The following GLDC variants were observed in gnomAD, a reference collection of about 807,000 sequenced individuals.
GLDC encodes the protein glycine dehydrogenase (decarboxylating), mitochondrial.
GLDC carries 104 observed loss-of-function variants against 121.3 expected under a neutral mutation model. The ratio of observed to expected loss-of-function variants is 0.86; its 90% CI spans 0.73 to 1.01. The LOEUF is 1.01. Among genes scored for constraint, GLDC ranks in the 50% least tolerant of loss-of-function variants. GLDC has a pLI of 0.00. For synonymous variants in GLDC, 546 were observed against 480.6 expected (o/e 1.14, Z -1.78); for missense variants, 1,429 against 1,306.6 (o/e 1.09, Z -1.44).
intron 15 of GLDC, chr9:6,568,881 C>T (rs1006095840): frequency 7.2e-5 from 11 of 152,192 alleles, no homozygotes; most frequent in African/African-American, 2.4e-4. Context: ...AAACAAGACC[C>T]TCCAGTGTAT....
intron 18 of GLDC, 88 bp from the exon 19 acceptor site, chr9:6,554,869 C>T: frequency 1.1e-6 from 1 of 929,246 alleles, no homozygotes; most frequent in Non-Finnish European, 1.7e-6. Context: ...GTGCTGCCTT[C>T]TCCCCTCAGA....
At chr9:6,559,466 G>A (rs1343453363) in intron 16 of GLDC, among the ~76,000 whole-genome samples, 1 of 147,032 alleles carries the variant, frequency 6.8e-6, no homozygotes, top group African/African-American at 2.5e-5. Flanking sequence ...GGTGAGCCGA[G>A]ATTGCGCTAT....
intron 9 of GLDC, among the ~76,000 whole-genome samples, chr9:6,594,594 C>G (rs1818451061): frequency 6.6e-6 from 1 of 151,964 alleles, no homozygotes; most frequent in African/African-American, 2.4e-5. Flanking sequence ...ACCTGAGAGG[C>G]TGAGGCAGGA....
intron 23 of GLDC, 25 bp from the exon 24 acceptor site, chr9:6,534,813 A>C (rs368141408): frequency 1.5e-6 from 2 of 1,327,164 alleles, no homozygotes; most frequent in African/African-American, 2.9e-5. Context: ...CGGACAGAGG[A>C]GGGGTCAGAG....
At chr9:6,581,888 G>A (rs1818176367) in intron 15 of GLDC, among the ~76,000 whole-genome samples, 1 of 152,122 alleles carries the variant, frequency 6.6e-6, no homozygotes, top group South Asian at 2.1e-4. Flanking sequence ...TGGAATGATA[G>A]GTAATGTTTG....
intron 4 of GLDC, 99 bp from the exon 5 acceptor site, chr9:6,606,768 C>G: frequency 1.2e-6 from 1 of 814,414 alleles, no homozygotes; most frequent in East Asian, 2.4e-5. Flanking sequence ...TAAGTCTAAG[C>G]ACAGTATAAA....
chr9:6,577,160 C>T (rs570959952), intron 15 of GLDC, among the ~76,000 whole-genome samples: 5 of 152,326 alleles, frequency 3.3e-5, no homozygotes, highest in African/African-American at 1.2e-4. Flanking sequence ...GAGGCAGAGC[C>T]AGCAGCGCCA....
In GLDC at chr9:6,532,753, C is replaced by G. The variant is rs1280334788; in HGVS notation, c.*264G>C. On this transcript the variant is annotated 3_prime_UTR_variant, in exon 25 of 25. Coordinates refer to ENST00000321612, the MANE Select transcript of GLDC (RefSeq NM_000170.3). The stretch of plus-strand genomic sequence containing the variant: ...ACATTAAAAGTTAAAGTTCCTAAAA[C>G]TTTCTACGCAAAACACAAAATGGCT... 8.7e-6 allele frequency: 4 copies of G among 457,916 alleles called. No homozygotes were observed. Among genetic ancestry groups the G allele is most frequent in the African/African-American group, 3.9e-5 (2 of 50,668 alleles). 28.4% of individuals were successfully genotyped at this position (457,916 alleles called of 1,614,324 possible). A position where few individuals can be genotyped will look rare whatever the true frequency, so the allele number is the denominator to read the frequency against.
rs1162730454 is a variant in GLDC, at chr9:6,620,282, T to A, written c.372A>T (p.Ser124=). 15 of 1,613,566 alleles carry A rather than the reference T, an allele frequency of 9.3e-6. No homozygotes were observed. Among genetic ancestry groups the A allele is most frequent in the African/African-American group, 1.3e-5 (1 of 74,934 alleles). The stretch of plus-strand genomic sequence containing the variant: ...ACGATCTCCAGATCTGGTTTTTGCT[T>A]GAAATGGCATGCAGAGTTGCAAGGA... ...NEILATLHAI[S]SKNQIWRSYI... The change falls in exon 3 of 25, where the codon TCA becomes TCT. Residue 124 remains serine, a synonymous_variant. Coordinates refer to ENST00000321612, the MANE Select transcript of GLDC (RefSeq NM_000170.3).
At chr9:6,639,675 A>G (rs1398883409) in intron 2 of GLDC, 2 of 251,746 alleles carry the variant, frequency 7.9e-6, no homozygotes, top group Admixed American at 5.4e-5. Context: ...AAAAGTATAT[A>G]TATATATATA....
chr9:6,567,173 C>T (rs1423354535), intron 15 of GLDC: 1 of 152,094 alleles, frequency 6.6e-6, no homozygotes, highest in Non-Finnish European at 1.5e-5. Flanking sequence ...GAAAGCCTGT[C>T]TTACAAGACC....
chr9:6,588,222 G>T (rs1466246484), intron 14 of GLDC, among the ~76,000 whole-genome samples, 179 bp downstream of exon 14: 1 of 152,120 alleles, frequency 6.6e-6, no homozygotes, highest in Non-Finnish European at 1.5e-5. Flanking sequence ...TTTAAATGAT[G>T]AAGTCGTGAG....
chr9:6,609,438 C>T (rs13295349), intron 4 of GLDC, among the ~76,000 whole-genome samples: 31,397 of 152,070 alleles, frequency 0.21, 3,680 homozygotes, highest in Non-Finnish European at 0.27. Flanking sequence ...CCCTTGACCA[C>T]AGTGCCAGGA....
intron 21 of GLDC, among the ~76,000 whole-genome samples, chr9:6,546,890 A>T (rs1356534070): frequency 6.6e-6 from 1 of 151,998 alleles, no homozygotes; most frequent in Non-Finnish European, 1.5e-5. Flanking sequence ...TGAACCTGGG[A>T]GGCGGAGGTT....
In GLDC at chr9:6,592,991, C is replaced by G. The variant is rs1301047690; in HGVS notation, c.1262-1G>C. On this transcript the variant is annotated splice_acceptor_variant, in intron 9 of 24. Transcript: ENST00000321612. LOFTEE classifies it high-confidence loss of function. Reference sequence around the variant, plus strand: ...AGTTGATGCCCTGCTCGCTTGAGACCTACACAAGATAGGAGATCCCCCAAA... The same window carrying G: ...AGTTGATGCCCTGCTCGCTTGAGACGTACACAAGATAGGAGATCCCCCAAA... The G allele has an allele frequency of 1.9e-6, 3 of 1,613,968 alleles. No individual in the cohort carries two copies. The highest frequency in any genetic ancestry group is 2.5e-6 in the Non-Finnish European group (3 of 1,179,952).
At chr9:6,562,550 T>A (rs923139930) in intron 16 of GLDC, among the ~76,000 whole-genome samples, 1 of 152,174 alleles carries the variant, frequency 6.6e-6, no homozygotes, top group Non-Finnish European at 1.5e-5. Flanking sequence ...CTAAGAAAGT[T>A]GGCTTTAATT....
chr9:6,583,603 G>T (rs1818211889), intron 15 of GLDC, among the ~76,000 whole-genome samples: 2 of 152,166 alleles, frequency 1.3e-5, no homozygotes, highest in South Asian at 4.1e-4. Flanking sequence ...TTGAGCCTGG[G>T]AGGCCAAGGT....
intron 1 of GLDC, 29 bp downstream of exon 1, chr9:6,645,216 G>A (rs1409734468): frequency 1.9e-6 from 3 of 1,557,470 alleles, no homozygotes; most frequent in African/African-American, 1.4e-5. Context: ...CGGAGGGGAG[G>A]CCGCGGAGGG....
chr9:6,627,548 C>T (rs1819271063), intron 2 of GLDC, among the ~76,000 whole-genome samples: 2 of 152,162 alleles, frequency 1.3e-5, no homozygotes, highest in African/African-American at 4.8e-5. Flanking sequence ...CCAATTTTAC[C>T]TTCTGTTGAG....
Sources: allele counts gnomAD v4.1 joint callset (sites outside exome capture counted in the v4.1 genomes callset), GRCh38; gene constraint gnomAD v4.1.1; transcripts MANE v1.5; gene names NCBI Gene and HGNC (gene_info 2026-07-23, HGNC 2026-07-21).